Variants in EML1 observed in about 807,000 individuals in gnomAD.
EML1 encodes the protein echinoderm microtubule-associated protein-like 1.
In EML1, 27 loss-of-function variants were observed where a neutral mutation model predicts 110.4. The ratio of observed to expected loss-of-function variants is 0.24; its 90% CI spans 0.18 to 0.34. The LOEUF (loss-of-function observed/expected upper bound fraction) is 0.34. EML1 is among the 10% of genes least tolerant of loss of function. The probability of loss-of-function intolerance (pLI) is 1.00; values close to 1 mark genes in which losing one functional copy is unlikely to be tolerated. For missense variants in EML1, 741 were observed against 1,030.9 expected, an observed-to-expected ratio of 0.72 and a Z score of 3.85; for synonymous variants, 344 against 385.8, an observed-to-expected ratio of 0.89 and a Z score of 1.27.
chr14:99,761,986 A>T (rs2140188272), intron 1 of EML1, among the ~76,000 whole-genome samples: 1 of 152,112 alleles, frequency 6.6e-6, no homozygotes, highest in Non-Finnish European at 1.5e-5. Context: ...AGGTGACAAA[A>T]TCTAGCACTT....
Position 99,805,439 on chromosome 14 carries a change from C to CA in EML1, c.67+11897dup, listed in dbSNP as rs1384748177. Reference sequence around the variant, plus strand: ...GTTCTTTCAGTGTTTCATCAGCAGCCATATTCTATTTACTTATTCTCTTTC... The same window carrying CA: ...GTTCTTTCAGTGTTTCATCAGCAGCCAATATTCTATTTACTTATTCTCTTTC... On this transcript the variant is annotated intron_variant, in intron 1 of 21. Transcript: ENST00000262233. 3.3e-5 allele frequency among the ~76,000 whole-genome samples: 5 copies of CA among 152,238 alleles called. No homozygotes were observed. In the East Asian group the frequency reaches 7.7e-4, roughly 23 times the overall value.
intron 1 of EML1, among the ~76,000 whole-genome samples, chr14:99,821,110 G>A (rs2058254466): frequency 1.3e-5 from 2 of 149,110 alleles, no homozygotes; most frequent in Non-Finnish European, 3.0e-5. Flanking sequence ...GCAGACTCAA[G>A]CACCTGGGCT....
Position 99,760,083 on chromosome 14 carries a change from CAAAAAAAAAAAAAA to C in EML1, c.28+22240_28+22253del, listed in dbSNP as rs61619098. On this transcript the variant is annotated intron_variant, in intron 1 of 10. Transcript: ENST00000554479. ...GGGCAACAAGAGCTAGACTCCCTCT[CAAAAAAAAAAAAAA>C]AAAAAAAAAAAAAAAAGAGCTATGA... 2.1e-4 allele frequency among the ~76,000 whole-genome samples: 10 copies of C among 47,146 alleles called. No homozygotes were observed. The East Asian group carries it at 3.3e-3, about 16-fold the overall frequency. The allele number at this position is 47,146 out of a possible 152,430, so 30.9% of individuals were successfully genotyped here. A position where few individuals can be genotyped will look rare whatever the true frequency, so the allele number is the denominator to read the frequency against.
intron 1 of EML1, among the ~76,000 whole-genome samples, chr14:99,754,111 T>A (rs1478881245): frequency 6.6e-6 from 1 of 152,246 alleles, no homozygotes; most frequent in Non-Finnish European, 1.5e-5. Context: ...TGGGGGAAGC[T>A]GCAGTTGCTG....
At position 99,941,826 on chromosome 14, in the gene EML1, A is replaced by G. The variant is rs557730572; in HGVS notation, c.*1714A>G. 6.6e-6 allele frequency: 1 copy of G among 152,324 alleles called. No individual in the cohort carries two copies. Among genetic ancestry groups the G allele is most frequent in the South Asian group, 2.1e-4 (1 of 4,824 alleles). The allele number at this position is 152,324 out of a possible 1,614,324, so 9.4% of individuals were successfully genotyped here. On this transcript the variant is annotated 3_prime_UTR_variant, in exon 22 of 22. Coordinates refer to ENST00000262233, the MANE Select transcript of EML1 (RefSeq NM_004434.3). ...TTTTAAATTAACAATGGAGAGAATG[A>G]TAAGATGAGGGAAGGAAAAGGCATT...
chr14:99,897,400 C>G (rs966817635), intron 7 of EML1, 106 bp downstream of exon 7: 1 of 1,106,058 alleles, frequency 9.0e-7, no homozygotes, highest in East Asian at 2.9e-5. Context: ...AACCCTGTCT[C>G]TAAAATAAAT....
intron 7 of EML1, 103 bp from the exon 8 acceptor site, chr14:99,898,130 A>G (rs548655408): frequency 1.1e-6 from 1 of 929,134 alleles, no homozygotes; most frequent in African/African-American, 1.7e-5. Flanking sequence ...GTTAGGCATT[A>G]TATATTTCTT....
chr14:99,914,662 G>A lies in EML1; in HGVS notation c.1717G>A (p.Val573Met). The A allele has an allele frequency of 6.2e-7, 1 of 1,610,522 alleles. No individual in the cohort carries two copies. Among genetic ancestry groups the A allele is most frequent in the Non-Finnish European group, 8.5e-7 (1 of 1,179,332 alleles). The change falls in exon 15 of 22, where the codon GTG becomes ATG. Residue 573 changes from valine to methionine, a missense_variant. Transcript: ENST00000262233. ...HDKHATLWDA[V>M]GHRPVWDKII... ...CAAGCATGCCACTCTCTGGGACGCT[G>A]TGGGTCACCGTCCCGTCTGGGACAA...
chr14:99,768,056 G>A (rs2057385082), upstream of EML1, among the ~76,000 whole-genome samples: 1 of 152,192 alleles, frequency 6.6e-6, no homozygotes, highest in Admixed American at 6.5e-5. Flanking sequence ...AGGTGGAAGA[G>A]GCCAAGTCAC....
chr14:99,935,781 C>CAAA (rs1160100015), intron 17 of EML1, among the ~76,000 whole-genome samples: 70 of 83,378 alleles, frequency 8.4e-4, no homozygotes, highest in East Asian at 2.8e-3. Flanking sequence ...GACTCCGTCT[C>CAAA]AAAAAAAAAA....
intron 1 of EML1, among the ~76,000 whole-genome samples, chr14:99,754,359 C>T (rs893459623): frequency 3.3e-5 from 5 of 152,200 alleles, no homozygotes; most frequent in Non-Finnish European, 7.3e-5. Context: ...TCCCCTGCCC[C>T]CTGCCTCCCC....
Position 99,812,397 on chromosome 14 carries a change from ACT to A in EML1, c.67+18857_67+18858del, listed in dbSNP as rs536320163. 1.1e-3 allele frequency among the ~76,000 whole-genome samples: 169 copies of A among 151,592 alleles called. 1 individual carries two copies. The highest frequency in any genetic ancestry group is 2.7e-3 in the Admixed American group (41 of 15,214). On this transcript the variant is annotated intron_variant, in intron 1 of 21. Transcript: ENST00000262233. ...AGCCAAATGAATATTTTCTAACCTA[ACT>A]CTAAAAAGGTAGATGCCAGGCAGCA...
intron 1 of EML1, among the ~76,000 whole-genome samples, chr14:99,744,520 T>C (rs2057082239): frequency 6.6e-6 from 1 of 152,202 alleles, no homozygotes; most frequent in Non-Finnish European, 1.5e-5. Flanking sequence ...ACCCCTTTCA[T>C]TGAGTTTTTT....
intron 1 of EML1, among the ~76,000 whole-genome samples, chr14:99,762,903 T>A (rs80271555): frequency 0.038 from 5,726 of 152,270 alleles, 116 homozygotes; most frequent in East Asian, 0.064. Flanking sequence ...GAAACTGATA[T>A]TATCTACTAA....
At chr14:99,892,191 C>G (rs1266487080) in intron 5 of EML1, 1 of 985,284 alleles carries the variant, frequency 1.0e-6, no homozygotes, top group Non-Finnish European at 1.2e-6. Flanking sequence ...TGACACACTG[C>G]AAAGGTAGGC....
In EML1 at chr14:99,830,469, G is replaced by T. The variant is rs938557871; in HGVS notation, c.68-20384G>T. Among the ~76,000 whole-genome samples the T allele has an allele frequency of 3.3e-5, 5 of 152,174 alleles. 1 individual carries two copies. Among genetic ancestry groups the T allele is most frequent in the Admixed American group, 3.3e-4 (5 of 15,276 alleles). ...TCTCTGATGGTGCTAGATTGACAAT[G>T]TTATTTTAATCATCGTTTCCTCTTC... On this transcript the variant is annotated intron_variant, in intron 1 of 21. Transcript: ENST00000262233.
At chr14:99,768,497 G>A (rs1051424089), upstream of EML1, among the ~76,000 whole-genome samples, 3 of 152,242 alleles carry the variant, frequency 2.0e-5, no homozygotes, top group Non-Finnish European at 2.9e-5. Flanking sequence ...TATGGCTCAC[G>A]GAACTATCAG....
intron 1 of EML1, among the ~76,000 whole-genome samples, chr14:99,778,753 T>C (rs747978262): frequency 6.6e-6 from 1 of 152,240 alleles, no homozygotes; most frequent in Non-Finnish European, 1.5e-5. Context: ...GGGTCTTTAA[T>C]TACAGGTTAA....
In EML1 at chr14:99,898,443, T is replaced by A. The variant is rs145716771; in HGVS notation, c.897+141T>A. On this transcript the variant is annotated intron_variant, in intron 8 of 21. Transcript: ENST00000262233. ...TTCTGAACCCCTCACTAGAATTTTT[T>A]ATTGTAAATTAGAAGACTTATTGTG... is the stretch of plus-strand genomic sequence containing the variant. 2.4e-3 allele frequency: 1,873 copies of A among 777,434 alleles called. 22 individuals carry two copies. In the African/African-American group the frequency reaches 0.029, roughly 12 times the overall value. 48.2% of individuals were successfully genotyped at this position (777,434 alleles called of 1,614,324 possible). A position where few individuals can be genotyped will look rare whatever the true frequency, so the allele number is the denominator to read the frequency against.
Sources: allele counts gnomAD v4.1 joint callset (sites outside exome capture counted in the v4.1 genomes callset), GRCh38; gene constraint gnomAD v4.1.1; transcripts MANE v1.5; gene names NCBI Gene and HGNC (gene_info 2026-07-23, HGNC 2026-07-21).